ABCB1: variants seen among roughly 807,000 people sequenced by gnomAD.
ABCB1 encodes the protein ATP binding cassette subfamily B member 1, also known as ATP-dependent translocase ABCB1.
A neutral mutation model predicts 142.0 loss-of-function variants in ABCB1; 69 were observed. The observed-to-expected ratio is 0.49, with a 90% CI of 0.40 to 0.59. The LOEUF (loss-of-function observed/expected upper bound fraction) is 0.59. Ranked by LOEUF, ABCB1 falls within the 20% of genes least tolerant of loss-of-function variation. The probability of loss-of-function intolerance (pLI) is 0.00; values close to 1 mark genes in which losing one functional copy is unlikely to be tolerated. For missense variants in ABCB1, 1,326 were observed against 1,554.7 expected, an observed-to-expected ratio of 0.85 and a Z score of 2.47; for synonymous variants, 532 against 539.2, an observed-to-expected ratio of 0.99 and a Z score of 0.18.
intron 1 of ABCB1, among the ~76,000 whole-genome samples, chr7:87,686,459 C>A (rs1827467107): frequency 6.6e-6 from 1 of 152,124 alleles, no homozygotes; most frequent in South Asian, 2.1e-4. Flanking sequence ...ATGAAAATTA[C>A]AGTTCTTTAA....
At chr7:87,665,958 G>T (rs1291900537) in intron 1 of ABCB1, among the ~76,000 whole-genome samples, 1 of 151,968 alleles carries the variant, frequency 6.6e-6, no homozygotes, top group Non-Finnish European at 1.5e-5. Flanking sequence ...GTGTACATGT[G>T]TCTTTATGGT....
chr7:87,539,195 C>G, intron 19 of ABCB1, 73 bp downstream of exon 19: 1 of 1,477,598 alleles, frequency 6.8e-7, no homozygotes, highest in Non-Finnish European at 9.4e-7. Context: ...TGACAGAGCT[C>G]CCACTGTCTG....
chr7:87,626,546 CAT>C (rs1228367879), intron 1 of ABCB1, among the ~76,000 whole-genome samples: 11 of 13,630 alleles, frequency 8.1e-4, no homozygotes, highest in African/African-American at 1.5e-3. Context: ...ATATATGTGT[CAT>C]ATATATGTGT....
intron 8 of ABCB1, 85 bp from the exon 9 acceptor site, chr7:87,554,017 T>A: frequency 2.4e-6 from 3 of 1,264,888 alleles, no homozygotes; most frequent in Non-Finnish European, 3.4e-6. Context: ...GGCTAGGATG[T>A]GTTCAGTCCT....
rs28381817 is a variant in ABCB1, at chr7:87,595,264, T to C, written c.117+502A>G. On this transcript the variant is annotated intron_variant, in intron 3 of 27. Coordinates refer to ENST00000622132, the MANE Select transcript of ABCB1 (RefSeq NM_001348946.2). ...CACAGGGGAATAATGGCATATGACA[T>C]ATTTGAAATCATAGTAATAAATAAT... 0.04 allele frequency among the ~76,000 whole-genome samples: 6,018 copies of C among 152,262 alleles called. 182 individuals carry two copies. The highest frequency in any genetic ancestry group is 0.057 in the Non-Finnish European group (3,896 of 67,958).
chr7:87,707,166 A>G (rs1829672838), intron 1 of ABCB1, among the ~76,000 whole-genome samples: 1 of 152,204 alleles, frequency 6.6e-6, no homozygotes, highest in Admixed American at 6.5e-5. Flanking sequence ...ATAAATTTTC[A>G]TACAGAATGT....
chr7:87,608,157 T>A (rs1289545400), intron 1 of ABCB1, among the ~76,000 whole-genome samples: 8 of 152,218 alleles, frequency 5.3e-5, no homozygotes, highest in Admixed American at 5.2e-4. Context: ...AACCCAACAT[T>A]GCAGTAAAGA....
At chr7:87,591,654 C>T (rs1383784447) in intron 3 of ABCB1, among the ~76,000 whole-genome samples, 1 of 151,944 alleles carries the variant, frequency 6.6e-6, no homozygotes, top group Non-Finnish European at 1.5e-5. Flanking sequence ...ATAACAGGAA[C>T]ATAAGGTGAA....
At chr7:87,534,194 G>A (rs991796052) in intron 20 of ABCB1, among the ~76,000 whole-genome samples, 28 of 152,114 alleles carry the variant, frequency 1.8e-4, no homozygotes, top group African/African-American at 5.6e-4. Flanking sequence ...ATCTGCTCTG[G>A]GTTCTGCTGC....
At position 87,561,251 on chromosome 7, in the gene ABCB1, A is replaced by C; in HGVS notation, c.827+12T>G. The C allele has an allele frequency of 1.2e-6, 2 of 1,613,590 alleles. No homozygotes were observed. On this transcript the variant is annotated intron_variant, in intron 8 of 27. Transcript: ENST00000622132. ...TTTAACATATCTATCCATTTAAAAA[A>C]GAAACTCAAACCTTTCAAGTTCTTT...
intron 1 of ABCB1, among the ~76,000 whole-genome samples, chr7:87,670,258 T>G (rs1292972805): frequency 1.3e-5 from 2 of 152,246 alleles, no homozygotes; most frequent in Non-Finnish European, 2.9e-5. Flanking sequence ...GCTTGGTTTC[T>G]TCTGCTGTCA....
chr7:87,644,523 A>G (rs985249388), intron 1 of ABCB1, among the ~76,000 whole-genome samples: 2 of 152,234 alleles, frequency 1.3e-5, no homozygotes, highest in African/African-American at 4.8e-5. Context: ...TAATGACTTT[A>G]ACCTTTGTGA....
intron 4 of ABCB1, among the ~76,000 whole-genome samples, chr7:87,579,760 A>T (rs928129689): frequency 6.6e-6 from 1 of 151,254 alleles, no homozygotes; most frequent in African/African-American, 2.4e-5. Flanking sequence ...AGTGAAGGTG[A>T]TCTTCTCTGG....
intron 1 of ABCB1, chr7:87,710,510 C>A: frequency 1.1e-6 from 1 of 928,418 alleles, no homozygotes; most frequent in South Asian, 1.6e-5. Flanking sequence ...TTTTTGATGG[C>A]ACAGTGGCAA....
chr7:87,700,342 G>C lies in ABCB1; in HGVS notation c.-331+12819C>G, dbSNP rs186170052. On this transcript the variant is annotated intron_variant, in intron 1 of 28. Transcript: ENST00000265724. ...TTCACTATATTACCTTTATTTTTCA[G>C]AATTTTATTGTTCTTGCATTTTCAA... 141 of 1,250,574 alleles carry C rather than the reference G, an allele frequency of 1.1e-4. 1 individual carries two copies. In the East Asian group the frequency reaches 1.7e-3, roughly 15 times the overall value. The allele number at this position is 1,250,574 out of a possible 1,614,324, so 77.5% of individuals were successfully genotyped here.
Position 87,506,274 on chromosome 7 carries a change from C to T in ABCB1, c.3490-231G>A, listed in dbSNP as rs570648673. 23 of 526,280 alleles carry T rather than the reference C, an allele frequency of 4.4e-5. 1 individual carries two copies. In the South Asian group the frequency reaches 5.0e-4, roughly 12 times the overall value. The allele number at this position is 526,280 out of a possible 1,614,324, so 32.6% of individuals were successfully genotyped here. A position where few individuals can be genotyped will look rare whatever the true frequency, so the allele number is the denominator to read the frequency against. On this transcript the variant is annotated intron_variant, in intron 26 of 27. Transcript: ENST00000622132. Reference sequence around the variant, plus strand: ...TTAAGATGATATGTTTTAGTGTAAACAGGTCAGCATTTTAATGAAGAAGAA... The same window carrying T: ...TTAAGATGATATGTTTTAGTGTAAATAGGTCAGCATTTTAATGAAGAAGAA...
At chr7:87,505,287 T>A (rs1398751129) in intron 27 of ABCB1, among the ~76,000 whole-genome samples, 2 of 152,114 alleles carry the variant, frequency 1.3e-5, no homozygotes, top group Non-Finnish European at 2.9e-5. Flanking sequence ...CATCTACTCT[T>A]AAAGTTAAGG....
At position 87,590,909 on chromosome 7, in the gene ABCB1, G is replaced by A. The variant is rs551214222; in HGVS notation, c.117+4857C>T. 8.5e-5 allele frequency among the ~76,000 whole-genome samples: 13 copies of A among 152,288 alleles called. No individual in the cohort carries two copies. The South Asian group carries it at 2.7e-3, about 32-fold the overall frequency. On this transcript the variant is annotated intron_variant, in intron 3 of 27. Coordinates refer to ENST00000622132, the MANE Select transcript of ABCB1 (RefSeq NM_001348946.2). ...GAAGGAGGGATACTAGGAGATGAAA[G>A]AGCAGTTGAGAGAGTAAAGTCTTGA...
At chr7:87,524,249 A>C (rs1815675625) in intron 21 of ABCB1, among the ~76,000 whole-genome samples, 1 of 152,176 alleles carries the variant, frequency 6.6e-6, no homozygotes, top group Non-Finnish European at 1.5e-5. Context: ...ACAGGCCAAG[A>C]AGATTGAATT....
Sources: gnomAD v4.1 joint callset for allele counts (sites outside exome capture counted in the v4.1 genomes callset) on GRCh38, gnomAD v4.1.1 for gene constraint, MANE v1.5 for transcripts, NCBI Gene and HGNC (gene_info 2026-07-23, HGNC 2026-07-21) for gene names.